The following CUBN variants were observed in gnomAD, a reference collection of about 807,000 sequenced individuals.
The protein encoded by CUBN is 460 kDa receptor.
CUBN carries 282 observed loss-of-function variants against 405.3 expected under a neutral mutation model. The observed-to-expected ratio is 0.70, with a 90% confidence interval of 0.63 to 0.77. The LOEUF (loss-of-function observed/expected upper bound fraction) is 0.77, where lower values mean the gene tolerates loss of function less well. Among genes scored for constraint, CUBN ranks in the 30% least tolerant of loss-of-function variants. The probability of loss-of-function intolerance (pLI) is 0.00; values close to 1 mark genes in which losing one functional copy is unlikely to be tolerated. For missense variants in CUBN, 4,514 were observed against 4,475.2 expected (o/e 1.01, Z -0.25); for synonymous variants, 1,684 against 1,617.0 (o/e 1.04, Z -0.99).
chr10:17,007,005 G>A (rs955056395), intron 28 of CUBN, among the ~76,000 whole-genome samples: 1 of 152,152 alleles, frequency 6.6e-6, no homozygotes, highest in African/African-American at 2.4e-5. Flanking sequence ...CTTTGCAAAT[G>A]TCACTCTCTC....
rs139879874 is a variant in CUBN at position 16,894,232 on chromosome 10, T to C, written c.8599-3705A>G. 1.2e-4 allele frequency among the ~76,000 whole-genome samples: 18 copies of C among 152,324 alleles called. No individual in the cohort carries two copies. The East Asian group carries it at 3.5e-3, about 29-fold the overall frequency. On this transcript the variant is annotated intron_variant, in intron 54 of 66. Transcript: ENST00000377833. ...TTAAATGGGGTAAAATTTATCATTT[T>C]ATTTTTTCTCTTATGAATCATTCTT...
In CUBN at chr10:16,972,233, A is replaced by G. The variant is rs933887867; in HGVS notation, c.4695+10251T>C. 7.8e-4 allele frequency among the ~76,000 whole-genome samples: 119 copies of G among 152,148 alleles called. 1 individual carries two copies. Among genetic ancestry groups the G allele is most frequent in the African/African-American group, 2.8e-3 (117 of 41,482 alleles). On this transcript the variant is annotated intron_variant, in intron 31 of 66. Coordinates refer to ENST00000377833, the MANE Select transcript of CUBN (RefSeq NM_001081.4). ...TGGCTTGGCCCCTTTCTCTTGGTAA[A>G]ATACTCCTAAAAGTGATCATACCTA...
chr10:17,115,488 G>C lies in CUBN; in HGVS notation c.703C>G (p.Arg235Gly). 6.2e-7 allele frequency: 1 copy of C among 1,613,862 alleles called. No homozygotes were observed. The highest frequency in any genetic ancestry group is 8.5e-7 in the Non-Finnish European group (1 of 1,179,898). The change falls in exon 7 of 67, where the codon CGA becomes GGA. Residue 235 changes from arginine (R) to glycine (G), a missense_variant. Around this residue, in one of 5 missense-constraint regions of CUBN, gnomAD observed 1,448 missense variants for 1,388.0 expected, o/e 1.04. Transcript: ENST00000377833. ...CVHGICEDLM[R>G]EQAGEPKYSC... ...GGACCCACCTCTCCAGCTTGCTCTC[G>C]CATTAAATCCTCACAGATGCCATGG...
At chr10:16,990,551 G>A (rs1241836458) in intron 28 of CUBN, 36 bp from the exon 29 acceptor site, 1 of 1,596,364 alleles carries the variant, frequency 6.3e-7, no homozygotes, top group African/African-American at 1.3e-5. Context: ...GTTCAAAGTG[G>A]GCAACAGCAC....
chr10:16,922,452 T>C (rs1842061864), intron 43 of CUBN, among the ~76,000 whole-genome samples: 1 of 152,186 alleles, frequency 6.6e-6, no homozygotes, highest in African/African-American at 2.4e-5. Context: ...CCATCTCCAA[T>C]GTTTTCAGTG....
intron 31 of CUBN, among the ~76,000 whole-genome samples, chr10:16,974,779 T>C (rs1833043399): frequency 6.6e-6 from 1 of 152,132 alleles, no homozygotes; most frequent in Admixed American, 6.5e-5. Context: ...GCCCCCTCCC[T>C]CTTCCTCCCC....
chr10:17,047,677 A>G (rs765459955), intron 22 of CUBN, 74 bp from the exon 23 acceptor site: 16 of 1,329,190 alleles, frequency 1.2e-5, no homozygotes, highest in Admixed American at 1.8e-5. Context: ...AGTAATATGT[A>G]TTTCATTAAT....
intron 14 of CUBN, among the ~76,000 whole-genome samples, chr10:17,089,091 A>G (rs1387009274): frequency 6.6e-6 from 1 of 152,212 alleles, no homozygotes; most frequent in East Asian, 1.9e-4. Context: ...CTAAATAATA[A>G]AAATCCAGAC....
chr10:16,980,599 C>A (rs1833240391), intron 31 of CUBN, among the ~76,000 whole-genome samples: 1 of 152,240 alleles, frequency 6.6e-6, no homozygotes, highest in Non-Finnish European at 1.5e-5. Flanking sequence ...GAACAAAAAA[C>A]CAAACACCGC....
chr10:17,068,322 G>A (rs1835659531), intron 20 of CUBN, 42 bp from the exon 21 acceptor site: 6 of 1,580,134 alleles, frequency 3.8e-6, no homozygotes, highest in Non-Finnish European at 5.2e-6. Flanking sequence ...AAGTAACCAA[G>A]CTACCTGGAT....
chr10:17,120,392 A>T (rs1170384486), intron 6 of CUBN, among the ~76,000 whole-genome samples: 2 of 152,216 alleles, frequency 1.3e-5, no homozygotes, highest in African/African-American at 4.8e-5. Flanking sequence ...CTATTCCCAT[A>T]TCAAGAGAAA....
At chr10:16,857,636 T>G (rs1255685639) in intron 59 of CUBN, among the ~76,000 whole-genome samples, 2 of 152,168 alleles carry the variant, frequency 1.3e-5, no homozygotes, top group Non-Finnish European at 2.9e-5. Flanking sequence ...ACATTCATGA[T>G]AAAAACTCTT....
In CUBN at chr10:17,104,551, A is replaced by T; in HGVS notation, c.1285T>A (p.Cys429Ser). The T allele has an allele frequency of 1.2e-6, 2 of 1,613,960 alleles. No homozygotes were observed. Among genetic ancestry groups the T allele is most frequent in the Non-Finnish European group, 1.7e-6 (2 of 1,180,002 alleles). ...KCDSGWTGVNCTENINECLSN... is the reference protein window; with the variant it reads ...KCDSGWTGVNSTENINECLSN... ...AAACACTCATTGATGTTTTCTGTACAGTTGACACCTGTCCAACCTGAGTCA... is the reference window on the plus strand; with the variant it reads ...AAACACTCATTGATGTTTTCTGTACTGTTGACACCTGTCCAACCTGAGTCA... Residue 429 changes from cysteine (C) to serine (S), a missense_variant, in exon 12 of 67, where the codon TGT (cysteine) becomes AGT (serine). Transcript: ENST00000377833.
In CUBN at chr10:16,874,607, G is replaced by T. The variant is rs979527306; in HGVS notation, c.9107-104C>A. ...CTATTGTACATTTTTCCCTAAAAGAGGTAATAATTATTTTTCTTAAAGTGA... is the reference window on the plus strand; with the variant it reads ...CTATTGTACATTTTTCCCTAAAAGATGTAATAATTATTTTTCTTAAAGTGA... On this transcript the variant is annotated intron_variant, in intron 57 of 66. Transcript: ENST00000377833. 4 of 1,398,526 alleles carry T rather than the reference G, an allele frequency of 2.9e-6. No individual in the cohort carries two copies. The South Asian group carries it at 4.8e-5, about 17-fold the overall frequency. The allele number at this position is 1,398,526 out of a possible 1,614,324, so 86.6% of individuals were successfully genotyped here.
At chr10:16,963,388 T>C (rs149075641) in intron 31 of CUBN, among the ~76,000 whole-genome samples, 29 of 152,016 alleles carry the variant, frequency 1.9e-4, no homozygotes, top group African/African-American at 6.5e-4. Flanking sequence ...GTTTTCTCCA[T>C]GTTGGCCAGG....
intron 27 of CUBN, among the ~76,000 whole-genome samples, chr10:17,038,226 AT>A (rs1436623403): frequency 6.6e-6 from 1 of 152,072 alleles, no homozygotes; most frequent in Non-Finnish European, 1.5e-5. Context: ...TATCATTTCC[AT>A]TTCTATATTC....
intron 56 of CUBN, among the ~76,000 whole-genome samples, chr10:16,877,518 C>T (rs1277254499): frequency 6.6e-6 from 1 of 152,150 alleles, no homozygotes; most frequent in Admixed American, 6.5e-5. Context: ...ACCTACACCC[C>T]GGACCCTCTG....
At chr10:16,846,017 C>T (rs1478087155) in intron 60 of CUBN, among the ~76,000 whole-genome samples, 5 of 152,032 alleles carry the variant, frequency 3.3e-5, no homozygotes, top group Non-Finnish European at 5.9e-5. Context: ...TCCTGTCAGA[C>T]ATTTGTGTAA....
At chr10:16,983,938 C>T (rs1169965666) in intron 30 of CUBN, among the ~76,000 whole-genome samples, 167 bp downstream of exon 30, 4 of 152,190 alleles carry the variant, frequency 2.6e-5, no homozygotes, top group Non-Finnish European at 5.9e-5. Flanking sequence ...GGAAGTTAAA[C>T]TTTATCACGT....
Sources: gnomAD v4.1 joint callset for allele counts (sites outside exome capture counted in the v4.1 genomes callset) on GRCh38, gnomAD v4.1.1 for gene constraint, gnomAD v4.1.1 regional missense constraint, MANE v1.5 for transcripts, NCBI Gene and HGNC (gene_info 2026-07-23, HGNC 2026-07-21) for gene names.